The following XKR6 variants were observed in gnomAD, a reference collection of about 807,000 sequenced individuals.
The protein encoded by XKR6 is XK-related protein 6.
Under a neutral mutation model 56.7 loss-of-function variants are expected in XKR6, and 22 were observed. That is an observed-to-expected ratio of 0.39 (90% CI 0.28 to 0.55). XKR6 has a LOEUF of 0.55. Among genes scored for constraint, XKR6 ranks in the 20% least tolerant of loss-of-function variants. XKR6 has a pLI of 0.66. For synonymous variants in XKR6, 524 were observed against 387.8 expected (o/e 1.35, Z -4.13); for missense variants, 852 against 889.0 (o/e 0.96, Z 0.53).
At chr8:10,922,151 T>A (rs1395144350) in intron 2 of XKR6, among the ~76,000 whole-genome samples, 1 of 152,256 alleles carries the variant, frequency 6.6e-6, no homozygotes, top group East Asian at 1.9e-4. Context: ...AATAAATCTC[T>A]GCTCTTTATA....
chr8:10,923,515 C>T (rs1386817529), intron 2 of XKR6, among the ~76,000 whole-genome samples: 2 of 152,380 alleles, frequency 1.3e-5, no homozygotes, highest in African/African-American at 2.4e-5. Flanking sequence ...GCCTGAACAG[C>T]TCAGTCTTCC....
At chr8:11,055,508 C>G (rs1398514302) in intron 1 of XKR6, among the ~76,000 whole-genome samples, 2 of 152,188 alleles carry the variant, frequency 1.3e-5, no homozygotes, top group Non-Finnish European at 2.9e-5. Flanking sequence ...AGGAGAGCCA[C>G]AGGCCTCCCT....
chr8:10,996,588 T>C (rs1471785009), intron 1 of XKR6, among the ~76,000 whole-genome samples: 1 of 152,182 alleles, frequency 6.6e-6, no homozygotes, highest in Non-Finnish European at 1.5e-5. Flanking sequence ...TCTTAGGTTT[T>C]TGTCTGCTGT....
At chr8:10,916,241 T>C (rs1388486038) in intron 2 of XKR6, among the ~76,000 whole-genome samples, 1 of 152,226 alleles carries the variant, frequency 6.6e-6, no homozygotes, top group Non-Finnish European at 1.5e-5. Context: ...ATTTTACTTC[T>C]CATTCCTAAG....
At chr8:11,095,475 G>A (rs1369738481) in intron 1 of XKR6, among the ~76,000 whole-genome samples, 1 of 152,208 alleles carries the variant, frequency 6.6e-6, no homozygotes, top group African/African-American at 2.4e-5. Flanking sequence ...TGACTTGTGA[G>A]ACTGGTGCTT....
At chr8:11,115,003 C>T (rs1019005000) in intron 1 of XKR6, among the ~76,000 whole-genome samples, 6 of 152,142 alleles carry the variant, frequency 3.9e-5, no homozygotes, top group Non-Finnish European at 5.9e-5. Flanking sequence ...AGTTCTAAAC[C>T]TCATCAGTGA....
At chr8:11,135,157 G>A (rs557337688) in intron 1 of XKR6, among the ~76,000 whole-genome samples, 1 of 151,210 alleles carries the variant, frequency 6.6e-6, no homozygotes. Context: ...AGCCTCCCGA[G>A]TAGCTGGGAC....
Position 11,200,835 on chromosome 8 carries a change from C to G in XKR6, c.505G>C (p.Val169Leu). 1.9e-6 allele frequency: 3 copies of G among 1,611,928 alleles called. No individual in the cohort carries two copies. The highest frequency in any genetic ancestry group is 1.7e-6 in the Non-Finnish European group (2 of 1,179,498). Reference sequence around the variant, plus strand: ...TGCACCAGCAGCGACGGCACCAGCACGAAGAAGAGGGTCAGCCCGAAGTAG... The same window carrying G: ...TGCACCAGCAGCGACGGCACCAGCAGGAAGAAGAGGGTCAGCCCGAAGTAG... ...YVYFGLTLFF[V>L]LVPSLLVQSL... Residue 169 changes from valine to leucine, a missense_variant, in exon 1 of 3, where the codon GTG becomes CTG. Val to Leu is a conservative substitution (Grantham distance 32). Coordinates refer to ENST00000416569, the MANE Select transcript of XKR6 (RefSeq NM_173683.4). This position sits in a 1 kb window ranked among gnomAD's most constrained non-coding sequence, Gnocchi z 6.4.
At chr8:11,142,767 C>G (rs1800772563) in intron 1 of XKR6, among the ~76,000 whole-genome samples, 1 of 152,134 alleles carries the variant, frequency 6.6e-6, no homozygotes, top group Non-Finnish European at 1.5e-5. Flanking sequence ...TTAGAAATAC[C>G]CCATCTCAGG....
intron 1 of XKR6, among the ~76,000 whole-genome samples, chr8:10,996,516 C>T (rs1798116820): frequency 6.6e-6 from 1 of 152,164 alleles, no homozygotes; most frequent in African/African-American, 2.4e-5. Flanking sequence ...TTCCCAATTA[C>T]AGGTTTTCTC....
intron 1 of XKR6, among the ~76,000 whole-genome samples, chr8:11,033,658 C>T (rs1169714958): frequency 2.6e-5 from 4 of 152,072 alleles, no homozygotes; most frequent in Non-Finnish European, 5.9e-5. Context: ...TCTACCAGCC[C>T]CTTAGAATTA....
chr8:10,908,211 G>A (rs1283903359), intron 2 of XKR6, among the ~76,000 whole-genome samples: 2 of 152,178 alleles, frequency 1.3e-5, no homozygotes, highest in Non-Finnish European at 2.9e-5. Flanking sequence ...AGGGACCCTT[G>A]ACTCACATGC....
At chr8:11,005,842 C>CTTTTTTT (rs56880407) in intron 1 of XKR6, among the ~76,000 whole-genome samples, 33 of 121,318 alleles carry the variant, frequency 2.7e-4, no homozygotes, top group Non-Finnish European at 3.9e-4. Context: ...TTCTTTCTTT[C>CTTTTTTT]TTTTTTTTTT....
chr8:11,142,883 T>G (rs1160163326), intron 1 of XKR6, among the ~76,000 whole-genome samples: 3 of 152,314 alleles, frequency 2.0e-5, no homozygotes, highest in Admixed American at 2.0e-4. Flanking sequence ...TCGACTATGC[T>G]GAAAGCTCTG....
chr8:11,198,409 T>A (rs1337053412), intron 1 of XKR6, among the ~76,000 whole-genome samples: 1 of 149,254 alleles, frequency 6.7e-6, no homozygotes, highest in South Asian at 2.1e-4. Flanking sequence ...AAGTTAACTT[T>A]AGGAAATATT....
chr8:10,938,329 C>G (rs2129122650), intron 1 of XKR6, among the ~76,000 whole-genome samples: 1 of 152,214 alleles, frequency 6.6e-6, no homozygotes, highest in East Asian at 1.9e-4. Flanking sequence ...GAACCCGGTA[C>G]CTCAGATGGA....
chr8:10,998,950 T>C (rs1563336904), intron 1 of XKR6, among the ~76,000 whole-genome samples: 1 of 152,222 alleles, frequency 6.6e-6, no homozygotes, highest in Non-Finnish European at 1.5e-5. Flanking sequence ...ATCAAACCCC[T>C]GAATCTCTCC....
intron 1 of XKR6, among the ~76,000 whole-genome samples, chr8:11,125,105 A>AAAAG (rs1296416063): frequency 7.5e-6 from 1 of 132,700 alleles, no homozygotes; most frequent in Non-Finnish European, 1.7e-5. Context: ...AAAAAAAAAG[A>AAAAG]AAAAGAAAAG....
chr8:10,986,815 A>T (rs1797874333), intron 1 of XKR6, among the ~76,000 whole-genome samples: 1 of 151,166 alleles, frequency 6.6e-6, no homozygotes, highest in South Asian at 2.1e-4. Flanking sequence ...GATAGGGTTG[A>T]CACTGCCACC....
Sources: gnomAD v4.1 joint callset for allele counts (sites outside exome capture counted in the v4.1 genomes callset) on GRCh38, gnomAD v4.1.1 for gene constraint, Gnocchi (gnomAD v3.1) non-coding constraint, MANE v1.5 for transcripts, NCBI Gene and HGNC (gene_info 2026-07-23, HGNC 2026-07-21) for gene names.